The following DIP2C variants were observed in gnomAD, a reference collection of about 807,000 sequenced individuals.
The protein encoded by DIP2C is DIP2 acetate--CoA ligase C (putative), also known as disco-interacting protein 2 homolog C.
Under a neutral mutation model 192.4 loss-of-function variants are expected in DIP2C, and 33 were observed. That is an observed-to-expected ratio of 0.17 (90% confidence interval 0.13 to 0.23). The LOEUF is 0.23. Ranked by LOEUF, DIP2C falls within the 10% of genes least tolerant of loss-of-function variation. DIP2C has a pLI of 1.00. For synonymous variants in DIP2C, 979 were observed against 864.1 expected, an observed-to-expected ratio of 1.13 and a Z score of -2.33; for missense variants, 1,537 against 2,110.1, an observed-to-expected ratio of 0.73 and a Z score of 5.32.
At chr10:574,826 G>A (rs559163481) in intron 1 of DIP2C, among the ~76,000 whole-genome samples, 16 of 152,290 alleles carry the variant, frequency 1.1e-4, no homozygotes, top group Non-Finnish European at 1.5e-4. Flanking sequence ...ATCGCAACGC[G>A]GTTTCCTGTT....
intron 1 of DIP2C, among the ~76,000 whole-genome samples, chr10:486,820 C>G (rs984579801): frequency 6.6e-6 from 1 of 152,204 alleles, no homozygotes; most frequent in African/African-American, 2.4e-5. Context: ...CTCATCCCCA[C>G]CCGCTGGCAC....
Position 410,203 on chromosome 10 carries a change from G to C in DIP2C, c.1058-1186C>G, listed in dbSNP as rs1389183194. Among the ~76,000 whole-genome samples the C allele has an allele frequency of 2.0e-5, 3 of 152,200 alleles. No individual in the cohort carries two copies. The East Asian group carries it at 5.8e-4, about 29-fold the overall frequency. ...ATCCCCTTGCTAATGAGAACGTGAA[G>C]AGAATGATTATCTTTGATTGTTCTG... On this transcript the variant is annotated intron_variant, in intron 8 of 36. Coordinates refer to ENST00000280886, the MANE Select transcript of DIP2C (RefSeq NM_014974.3).
intron 1 of DIP2C, among the ~76,000 whole-genome samples, chr10:487,861 C>T (rs1844139571): frequency 6.6e-6 from 1 of 152,166 alleles, no homozygotes; most frequent in African/African-American, 2.4e-5. Context: ...CAGGCGTGAG[C>T]CACCGTGCCC....
chr10:489,390 T>C (rs902862841), intron 1 of DIP2C, among the ~76,000 whole-genome samples: 2 of 152,190 alleles, frequency 1.3e-5, no homozygotes, highest in Non-Finnish European at 2.9e-5. Context: ...ATGATGCATA[T>C]AGACAGACGA....
intron 21 of DIP2C, among the ~76,000 whole-genome samples, chr10:362,941 C>G (rs1959712761): frequency 6.6e-6 from 1 of 152,258 alleles, no homozygotes; most frequent in Admixed American, 6.5e-5. Context: ...AACATGTTCT[C>G]AAGATCAAAC....
rs1959758126 is a variant in DIP2C at position 363,291 on chromosome 10, G to A, written c.2498C>T (p.Thr833Ile). 1 of 1,611,914 alleles carries A rather than the reference G, an allele frequency of 6.2e-7. No individual in the cohort carries two copies. The highest frequency in any genetic ancestry group is 8.5e-7 in the Non-Finnish European group (1 of 1,179,974). ...YRGRIAVFSV[T>I]VLHDERIVIV... is the part of the protein sequence containing the mutation. Reference sequence around the variant, plus strand: ...CACGATCCTCTCGTCGTGCAGCACGGTCACCGAGAACACGGCTATCCTGCG... The same window carrying A: ...CACGATCCTCTCGTCGTGCAGCACGATCACCGAGAACACGGCTATCCTGCG... The change falls in exon 21 of 37, where the codon ACC becomes ATC. Residue 833 changes from threonine to isoleucine, a missense_variant. Around this residue, in one of 4 missense-constraint regions of DIP2C, gnomAD observed 677 missense variants for 989.9 expected, o/e 0.68. Transcript: ENST00000280886. The surrounding 1 kb of genome is among the most constrained non-coding windows in gnomAD (Gnocchi z 5.4).
chr10:408,089 G>A (rs1964934647), intron 9 of DIP2C, among the ~76,000 whole-genome samples: 4 of 150,714 alleles, frequency 2.7e-5, no homozygotes, highest in Admixed American at 2.6e-4. Flanking sequence ...CTTACATTTA[G>A]GCGTTTGGTC....
intron 1 of DIP2C, among the ~76,000 whole-genome samples, chr10:553,840 G>GA (rs1377383803): frequency 1.3e-5 from 2 of 151,484 alleles, no homozygotes; most frequent in Non-Finnish European, 2.9e-5. Context: ...TACCTCATAG[G>GA]AAAAAACGTA....
intron 1 of DIP2C, among the ~76,000 whole-genome samples, chr10:532,146 GC>G (rs1444465597): frequency 2.6e-5 from 4 of 152,062 alleles, no homozygotes; most frequent in African/African-American, 9.7e-5. Context: ...ATCAGCCCCG[GC>G]AGAAGCTTCT....
At chr10:513,563 C>T (rs1371083203) in intron 1 of DIP2C, among the ~76,000 whole-genome samples, 2 of 152,152 alleles carry the variant, frequency 1.3e-5, no homozygotes, top group Admixed American at 6.5e-5. Flanking sequence ...TGCCACACCG[C>T]GGTCCACTGC....
At chr10:355,035 TG>T (rs1232656143) in intron 24 of DIP2C, among the ~76,000 whole-genome samples, 1 of 151,740 alleles carries the variant, frequency 6.6e-6, no homozygotes, top group Non-Finnish European at 1.5e-5. Context: ...TGGAGAAAGA[TG>T]AAAAGTGGAA....
At chr10:330,257 G>A (rs1353050154) in intron 29 of DIP2C, among the ~76,000 whole-genome samples, 1 of 152,056 alleles carries the variant, frequency 6.6e-6, no homozygotes, top group African/African-American at 2.4e-5. Flanking sequence ...GGATCCCAAC[G>A]AATTACCAAA....
At chr10:597,295 T>A (rs1379149495) in intron 1 of DIP2C, among the ~76,000 whole-genome samples, 1 of 152,206 alleles carries the variant, frequency 6.6e-6, no homozygotes, top group East Asian at 1.9e-4. Context: ...TTGCAGGCAG[T>A]GGGTCCTGGG....
chr10:372,940 G>C (rs1961165295), intron 17 of DIP2C, among the ~76,000 whole-genome samples: 2 of 152,258 alleles, frequency 1.3e-5, no homozygotes, highest in East Asian at 1.9e-4. Context: ...TGGCAAACCA[G>C]TGCCCCAGGG....
At chr10:522,658 G>C (rs1363425240) in intron 1 of DIP2C, among the ~76,000 whole-genome samples, 1 of 152,250 alleles carries the variant, frequency 6.6e-6, no homozygotes, top group Non-Finnish European at 1.5e-5. Context: ...ATGTGGATTT[G>C]CCATCTGTGT....
At chr10:370,406 G>A (rs553266763) in intron 17 of DIP2C, among the ~76,000 whole-genome samples, 22 of 152,248 alleles carry the variant, frequency 1.4e-4, no homozygotes, top group Middle Eastern at 3.4e-3. Context: ...TCCGGCAGAC[G>A]TCCACACGGC....
intron 9 of DIP2C, among the ~76,000 whole-genome samples, chr10:407,825 A>T (rs1368128979): frequency 6.6e-6 from 1 of 151,828 alleles, no homozygotes; most frequent in African/African-American, 2.4e-5. Flanking sequence ...AATATTTTAG[A>T]TATTAATCTC....
At chr10:297,061 G>A (rs531396638) in intron 32 of DIP2C, among the ~76,000 whole-genome samples, 11 of 152,018 alleles carry the variant, frequency 7.2e-5, no homozygotes, top group South Asian at 6.2e-4. Flanking sequence ...TTAACTGGGC[G>A]TAGTGGCCTG....
chr10:655,373 T>C (rs1289594786), intron 1 of DIP2C, among the ~76,000 whole-genome samples: 2 of 152,218 alleles, frequency 1.3e-5, no homozygotes, highest in Non-Finnish European at 2.9e-5. Context: ...CCTGCAGCAG[T>C]GCTACAGAAC....
Sources: gnomAD v4.1 joint callset for allele counts (sites outside exome capture counted in the v4.1 genomes callset) on GRCh38, gnomAD v4.1.1 for gene constraint, gnomAD v4.1.1 regional missense constraint, Gnocchi (gnomAD v3.1) non-coding constraint, MANE v1.5 for transcripts, NCBI Gene and HGNC (gene_info 2026-07-23, HGNC 2026-07-21) for gene names.